The following FNIP2 variants were observed in gnomAD, a reference collection of about 807,000 sequenced individuals.
FNIP2 encodes folliculin interacting protein 2.
Under a neutral mutation model 108.7 loss-of-function variants are expected in FNIP2, and 32 were observed. The observed-to-expected ratio is 0.29, with a 90% CI of 0.22 to 0.40. FNIP2 has a LOEUF of 0.40. Among genes scored for constraint, FNIP2 ranks in the 10% least tolerant of loss-of-function variants. The probability of loss-of-function intolerance (pLI) is 1.00; values close to 1 mark genes in which losing one functional copy is unlikely to be tolerated. For missense variants in FNIP2, 1,202 were observed against 1,381.6 expected (o/e 0.87, Z 2.06); for synonymous variants, 480 against 496.7 (o/e 0.97, Z 0.45).
At chr4:158,875,027 T>C (rs1390538693) in intron 14 of FNIP2, among the ~76,000 whole-genome samples, 3 of 150,592 alleles carry the variant, frequency 2.0e-5, no homozygotes, top group African/African-American at 7.4e-5. Context: ...GCAGAGAGGT[T>C]GCAGTGCGCT....
At chr4:158,881,142 T>G (rs916460069) in intron 14 of FNIP2, among the ~76,000 whole-genome samples, 102 of 152,292 alleles carry the variant, frequency 6.7e-4, no homozygotes, top group African/African-American at 2.3e-3. Flanking sequence ...GAATAACAAA[T>G]GGGAGTTCAA....
At chr4:158,882,794 G>T in intron 14 of FNIP2, among the ~76,000 whole-genome samples, 1 of 152,184 alleles carries the variant, frequency 6.6e-6, no homozygotes, top group East Asian at 1.9e-4. Flanking sequence ...GATGCTTGAA[G>T]GCAGCATGCT....
intron 1 of FNIP2, among the ~76,000 whole-genome samples, chr4:158,793,215 T>C (rs1776478518): frequency 6.6e-6 from 1 of 152,194 alleles, no homozygotes; most frequent in African/African-American, 2.4e-5. Flanking sequence ...AATTGGAATG[T>C]GCCTACAAGG....
chr4:158,872,545 G>A (rs1247666341), intron 14 of FNIP2: 1 of 985,246 alleles, frequency 1.0e-6, no homozygotes, highest in Non-Finnish European at 1.2e-6. Flanking sequence ...TACATCCAAA[G>A]TGCAGCCATG....
intron 14 of FNIP2, among the ~76,000 whole-genome samples, chr4:158,878,264 G>A (rs1283260468): frequency 6.6e-5 from 10 of 152,134 alleles, no homozygotes; most frequent in Non-Finnish European, 1.0e-4. Flanking sequence ...AAAGACTGTG[G>A]TCTTGTGTGC....
intron 15 of FNIP2, among the ~76,000 whole-genome samples, chr4:158,892,141 C>CTTTT (rs34895070): frequency 3.6e-4 from 41 of 113,494 alleles, no homozygotes; most frequent in Middle Eastern, 5.0e-3. Flanking sequence ...TCAATTGTTG[C>CTTTT]TTTTTTTTTT....
intron 14 of FNIP2, among the ~76,000 whole-genome samples, chr4:158,882,070 C>T (rs1466551175): frequency 6.6e-6 from 1 of 150,668 alleles, no homozygotes; most frequent in Admixed American, 6.6e-5. Context: ...GCCTCTGCCC[C>T]ACCGCAACCC....
chr4:158,899,535 A>G (rs554801785), intron 16 of FNIP2, among the ~76,000 whole-genome samples: 1 of 152,346 alleles, frequency 6.6e-6, no homozygotes, highest in African/African-American at 2.4e-5. Context: ...AGAACTTGTT[A>G]TCAGTCTATT....
At chr4:158,808,733 T>A (rs1208596384) in intron 1 of FNIP2, 2 of 152,204 alleles carry the variant, frequency 1.3e-5, no homozygotes, top group Non-Finnish European at 2.9e-5. Flanking sequence ...TTCCAATCTC[T>A]TTTTGCTCTT....
At chr4:158,875,539 T>TATATATATGC (rs1474470268) in intron 14 of FNIP2, among the ~76,000 whole-genome samples, 2 of 144,178 alleles carry the variant, frequency 1.4e-5, no homozygotes, top group African/African-American at 5.5e-5. Flanking sequence ...TATATATATA[T>TATATATATGC]ATGCTCATGA....
chr4:158,820,638 T>A (rs1479749160), intron 1 of FNIP2, among the ~76,000 whole-genome samples: 1 of 152,212 alleles, frequency 6.6e-6, no homozygotes, highest in Non-Finnish European at 1.5e-5. Flanking sequence ...TCACAAGTAG[T>A]CCTCAGGTGC....
At chr4:158,896,888 C>T (rs1214967745) in intron 16 of FNIP2, among the ~76,000 whole-genome samples, 1 of 149,642 alleles carries the variant, frequency 6.7e-6, no homozygotes, top group Non-Finnish European at 1.5e-5. Context: ...GATACATGTG[C>T]AAAACGTGCA....
intron 5 of FNIP2, 91 bp from the exon 6 acceptor site, chr4:158,833,437 T>C: frequency 1.4e-6 from 1 of 728,388 alleles, no homozygotes. Flanking sequence ...TCAGTCGTTG[T>C]CTATATTTGG....
intron 14 of FNIP2, among the ~76,000 whole-genome samples, chr4:158,881,867 C>T (rs1259619318): frequency 2.6e-5 from 4 of 152,170 alleles, no homozygotes; most frequent in African/African-American, 7.2e-5. Flanking sequence ...TCTGCCTGGC[C>T]GCCACCCCGT....
At chr4:158,883,626 T>C (rs1378100241) in intron 14 of FNIP2, among the ~76,000 whole-genome samples, 1 of 152,152 alleles carries the variant, frequency 6.6e-6, no homozygotes, top group Non-Finnish European at 1.5e-5. Flanking sequence ...AGATTTTAGA[T>C]CTGGTTATGA....
chr4:158,838,877 G>A (rs940507859), intron 7 of FNIP2, among the ~76,000 whole-genome samples: 4 of 151,890 alleles, frequency 2.6e-5, no homozygotes, highest in East Asian at 1.9e-4. Flanking sequence ...TTTGTTTTTC[G>A]TAATCTTGAG....
chr4:158,844,889 A>C (rs1383251200), intron 7 of FNIP2, among the ~76,000 whole-genome samples: 2 of 152,218 alleles, frequency 1.3e-5, no homozygotes, highest in African/African-American at 4.8e-5. Context: ...CAGCATTTTA[A>C]AATCTTTAGA....
intron 8 of FNIP2, among the ~76,000 whole-genome samples, chr4:158,857,678 C>T (rs571601643): frequency 1.1e-3 from 174 of 151,772 alleles, no homozygotes; most frequent in African/African-American, 3.9e-3. Context: ...TGCAGTGGCT[C>T]ACGGCTGTAA....
chr4:158,788,146 A>G (rs1776281145), intron 1 of FNIP2, among the ~76,000 whole-genome samples: 1 of 152,166 alleles, frequency 6.6e-6, no homozygotes, highest in Non-Finnish European at 1.5e-5. Context: ...TAACCACCTC[A>G]TGGTGGTGGT....
Sources: gnomAD v4.1 joint callset for allele counts (sites outside exome capture counted in the v4.1 genomes callset) on GRCh38, gnomAD v4.1.1 for gene constraint, MANE v1.5 for transcripts, NCBI Gene and HGNC (gene_info 2026-07-23, HGNC 2026-07-21) for gene names.